The following FSD1L variants were observed in gnomAD, a reference collection of about 807,000 sequenced individuals.
FSD1L encodes fibronectin type III and SPRY domain containing 1 like, also known as FSD1-like protein.
Under a neutral mutation model 71.6 loss-of-function variants are expected in FSD1L, and 45 were observed. The ratio of observed to expected loss-of-function variants is 0.63; its 90% CI spans 0.49 to 0.81. The LOEUF (loss-of-function observed/expected upper bound fraction) is 0.81. Ranked by LOEUF, FSD1L falls within the 30% of genes least tolerant of loss-of-function variation. The probability of loss-of-function intolerance (pLI) is 0.00; values close to 1 mark genes in which losing one functional copy is unlikely to be tolerated. For synonymous variants in FSD1L, 197 were observed against 207.2 expected, an observed-to-expected ratio of 0.95 and a Z score of 0.42; for missense variants, 561 against 618.1, an observed-to-expected ratio of 0.91 and a Z score of 0.98.
At chr9:105,479,398 T>A (rs1322670246) in intron 6 of FSD1L, 22 bp downstream of exon 6, 1 of 1,527,082 alleles carries the variant, frequency 6.5e-7, no homozygotes, top group Admixed American at 2.0e-5. Flanking sequence ...AACACATTTT[T>A]ACTTAAGTAT....
chr9:105,516,635 G>A (rs1834744052), intron 10 of FSD1L, among the ~76,000 whole-genome samples: 1 of 152,082 alleles, frequency 6.6e-6, no homozygotes, highest in Non-Finnish European at 1.5e-5. Flanking sequence ...AAACAGAAAG[G>A]AATAGCACAT....
intron 12 of FSD1L, among the ~76,000 whole-genome samples, chr9:105,537,370 T>C (rs542060274): frequency 6.6e-6 from 1 of 152,362 alleles, no homozygotes; most frequent in South Asian, 2.1e-4. Context: ...GTTTTTTGTT[T>C]TTTAACTTAT....
chr9:105,509,575 A>T (rs913543325), intron 9 of FSD1L, among the ~76,000 whole-genome samples: 1 of 152,170 alleles, frequency 6.6e-6, no homozygotes, highest in Non-Finnish European at 1.5e-5. Flanking sequence ...CCTCTAGTTC[A>T]TATAGCATTT....
In FSD1L at chr9:105,548,147, C is replaced by T. The variant is rs1382855103; in HGVS notation, c.*1664C>T. The T allele has an allele frequency of 6.6e-6, 1 of 152,038 alleles. No individual in the cohort carries two copies. Among genetic ancestry groups the T allele is most frequent in the Non-Finnish European group, 1.5e-5 (1 of 67,958 alleles). The allele number at this position is 152,038 out of a possible 1,614,324, so 9.4% of individuals were successfully genotyped here. ...GTTGGTAATTTTAAAGACTGCAAGG[C>T]AGTTTAGAGAATGAAGTAAACCAAT... On this transcript the variant is annotated 3_prime_UTR_variant, in exon 14 of 14. Coordinates refer to ENST00000481272, the MANE Select transcript of FSD1L (RefSeq NM_001145313.3).
intron 7 of FSD1L, among the ~76,000 whole-genome samples, chr9:105,493,059 A>G (rs1220756111): frequency 2.0e-5 from 3 of 152,080 alleles, no homozygotes; most frequent in Non-Finnish European, 4.4e-5. Flanking sequence ...TATCCTTGTT[A>G]ACTTTCTGTC....
chr9:105,478,160 G>T (rs1036837354), intron 5 of FSD1L, among the ~76,000 whole-genome samples: 2 of 152,166 alleles, frequency 1.3e-5, no homozygotes, highest in Non-Finnish European at 2.9e-5. Context: ...CAGGAGAATG[G>T]CATGAACCCG....
chr9:105,515,713 T>C (rs934809587), intron 10 of FSD1L, among the ~76,000 whole-genome samples: 1 of 151,928 alleles, frequency 6.6e-6, no homozygotes, highest in Non-Finnish European at 1.5e-5. Flanking sequence ...TTCTGGTGCC[T>C]ACCCCACCAG....
At chr9:105,519,095 C>G (rs1375957302) in intron 10 of FSD1L, among the ~76,000 whole-genome samples, 1 of 152,174 alleles carries the variant, frequency 6.6e-6, no homozygotes, top group Non-Finnish European at 1.5e-5. Flanking sequence ...CCTCCCAAGT[C>G]TAAACCAGGA....
intron 7 of FSD1L, among the ~76,000 whole-genome samples, chr9:105,495,603 G>C (rs1833326807): frequency 6.6e-6 from 1 of 152,236 alleles, no homozygotes; most frequent in Non-Finnish European, 1.5e-5. Context: ...AGCTCACGCT[G>C]GGAGCTGTAG....
chr9:105,455,563 C>T lies in FSD1L; in HGVS notation c.16-5957C>T, dbSNP rs79085417. The stretch of plus-strand genomic sequence containing the variant: ...ACCCTATGATTATTTCATACAATCC[C>T]CAACAGTTTAGGCAGCCTAGGGTAC... On this transcript the variant is annotated intron_variant, in intron 1 of 13. Transcript: ENST00000481272. Among the ~76,000 whole-genome samples, 100 of 152,270 alleles carry T rather than the reference C, an allele frequency of 6.6e-4. 1 individual carries two copies. Among genetic ancestry groups the T allele is most frequent in the African/African-American group, 2.4e-3 (99 of 41,542 alleles).
In FSD1L at chr9:105,484,404, G is replaced by T. The variant is rs372183148; in HGVS notation, c.488G>T (p.Arg163Leu). 6.6e-7 allele frequency: 1 copy of T among 1,525,042 alleles called. No individual in the cohort carries two copies. The highest frequency in any genetic ancestry group is 1.4e-5 in the African/African-American group (1 of 71,486). The allele number at this position is 1,525,042 out of a possible 1,614,324, so 94.5% of individuals were successfully genotyped here. A position where few individuals can be genotyped will look rare whatever the true frequency, so the allele number is the denominator to read the frequency against. Residue 163 changes from arginine to leucine, a missense_variant, in exon 7 of 14, where the codon CGC (arginine) becomes CTC (leucine). By Grantham distance (102) the Arg-to-Leu change is moderately radical. Around this residue, in one of 3 missense-constraint regions of FSD1L, gnomAD observed 410 missense variants for 413.5 expected, o/e 0.99. Coordinates refer to ENST00000481272, the MANE Select transcript of FSD1L (RefSeq NM_001145313.3). ...KDRVTMASAF[R>L]LSLKPKVSDN... ...AGAGTCACAATGGCTTCAGCCTTTC[G>T]CCTTTCTTTGAAACCAAAGGTCAGT...
In FSD1L at chr9:105,511,012, G is replaced by A. The variant is rs373802300; in HGVS notation, c.896-1795G>A. ...TCTTTTTTTTTTTTTTAACTATAGAGTATTATCTCTGTTACATTAGAGGAG... is the reference window on the plus strand; with the variant it reads ...TCTTTTTTTTTTTTTTAACTATAGAATATTATCTCTGTTACATTAGAGGAG... On this transcript the variant is annotated intron_variant, in intron 9 of 13. Transcript: ENST00000481272. Among the ~76,000 whole-genome samples, 546 of 149,292 alleles carry A rather than the reference G, an allele frequency of 3.7e-3. 2 individuals are homozygous for A. The highest frequency in any genetic ancestry group is 5.4e-3 in the Non-Finnish European group (362 of 67,364).
chr9:105,491,929 A>T (rs1054453321), intron 7 of FSD1L, among the ~76,000 whole-genome samples: 1 of 152,162 alleles, frequency 6.6e-6, no homozygotes, highest in Non-Finnish European at 1.5e-5. Flanking sequence ...TTTTGCATCA[A>T]TGTTCATCAA....
At chr9:105,464,402 C>CT (rs1300939150) in intron 3 of FSD1L, 71 bp downstream of exon 3, 1 of 634,438 alleles carries the variant, frequency 1.6e-6, no homozygotes, top group African/African-American at 1.9e-5. Context: ...CAAATATACT[C>CT]TATGAATTTT....
intron 1 of FSD1L, among the ~76,000 whole-genome samples, chr9:105,452,121 C>T (rs936568918): frequency 8.0e-6 from 1 of 124,782 alleles, no homozygotes; most frequent in South Asian, 2.6e-4. Context: ...ACATGACAAC[C>T]TGCAACAAGT....
chr9:105,534,649 A>T, intron 11 of FSD1L, 56 bp downstream of exon 11: 2 of 999,336 alleles, frequency 2.0e-6, no homozygotes, highest in Non-Finnish European at 3.0e-6. Context: ...TCACAATCAC[A>T]CTGGTGGACT....
At chr9:105,467,330 A>G (rs933075784) in intron 3 of FSD1L, among the ~76,000 whole-genome samples, 1 of 152,228 alleles carries the variant, frequency 6.6e-6, no homozygotes, top group African/African-American at 2.4e-5. Flanking sequence ...CGCTTCTCTT[A>G]ATTGAATGAT....
intron 10 of FSD1L, among the ~76,000 whole-genome samples, chr9:105,519,251 C>G (rs1160015447): frequency 6.6e-6 from 1 of 152,138 alleles, no homozygotes; most frequent in African/African-American, 2.4e-5. Flanking sequence ...GTCATTCCTT[C>G]TGAAACTATT....
intron 7 of FSD1L, among the ~76,000 whole-genome samples, chr9:105,496,220 T>TG (rs1833392466): frequency 6.8e-6 from 1 of 147,884 alleles, no homozygotes; most frequent in East Asian, 2.0e-4. Flanking sequence ...TTTTTTTTTT[T>TG]TGTGTCGGAA....
Sources: allele counts gnomAD v4.1 joint callset (sites outside exome capture counted in the v4.1 genomes callset), GRCh38; gene constraint gnomAD v4.1.1; regional missense constraint gnomAD v4.1.1; transcripts MANE v1.5; gene names NCBI Gene and HGNC (gene_info 2026-07-23, HGNC 2026-07-21).